HSPA4: variants seen among roughly 807,000 people sequenced by gnomAD.
HSPA4 encodes the protein heat shock protein family A (Hsp70) member 4, also known as heat shock 70 kDa protein 4.
A neutral mutation model predicts 106.2 loss-of-function variants in HSPA4; 25 were observed. The observed-to-expected ratio is 0.24, with a 90% CI of 0.17 to 0.33. The LOEUF is 0.33. HSPA4 is among the 10% of genes least tolerant of loss of function. The probability of loss-of-function intolerance (pLI) is 1.00; values close to 1 mark genes in which losing one functional copy is unlikely to be tolerated. For synonymous variants in HSPA4, 332 were observed against 333.6 expected, an observed-to-expected ratio of 1.00 and a Z score of 0.05; for missense variants, 841 against 996.0, an observed-to-expected ratio of 0.84 and a Z score of 2.10.
rs1330410405 is a variant in HSPA4, at chr5:133,106,059, C to G, written c.*1623C>G. On this transcript the variant is annotated 3_prime_UTR_variant, in exon 19 of 19. Coordinates refer to ENST00000304858, the MANE Select transcript of HSPA4 (RefSeq NM_002154.4). ...GCAGGATTAAGCCAACCCTTTACAA[C>G]TGGCCCAGACCGTAATGGCCATTTC... The G allele has an allele frequency of 7.1e-6, 1 of 141,292 alleles. No homozygotes were observed. The highest frequency in any genetic ancestry group is 2.7e-5 in the African/African-American group (1 of 37,576). 8.8% of individuals were successfully genotyped at this position (141,292 alleles called of 1,614,324 possible). A position where few individuals can be genotyped will look rare whatever the true frequency, so the allele number is the denominator to read the frequency against.
intron 7 of HSPA4, among the ~76,000 whole-genome samples, chr5:133,083,778 C>T (rs1278806010): frequency 2.6e-5 from 4 of 152,126 alleles, no homozygotes; most frequent in African/African-American, 9.7e-5. Context: ...CTCAGGTGAT[C>T]CGCCCGCCTC....
At chr5:133,072,281 C>T (rs891855550) in intron 4 of HSPA4, among the ~76,000 whole-genome samples, 1 of 152,054 alleles carries the variant, frequency 6.6e-6, no homozygotes, top group Non-Finnish European at 1.5e-5. Context: ...CTGGAGGAAA[C>T]CAGGCACAAG....
intron 7 of HSPA4, among the ~76,000 whole-genome samples, chr5:133,081,760 C>T (rs1163167994): frequency 6.6e-6 from 1 of 152,056 alleles, no homozygotes; most frequent in East Asian, 1.9e-4. Context: ...TATTTCATTA[C>T]CTAGTTTTGT....
chr5:133,105,175 T>TA lies in HSPA4; in HGVS notation c.*740dup, dbSNP rs1476171485. The TA allele has an allele frequency of 6.6e-6, 1 of 152,266 alleles. No homozygotes were observed. The highest frequency in any genetic ancestry group is 1.5e-5 in the Non-Finnish European group (1 of 68,046). 9.4% of individuals were successfully genotyped at this position (152,266 alleles called of 1,614,324 possible). A position where few individuals can be genotyped will look rare whatever the true frequency, so the allele number is the denominator to read the frequency against. On this transcript the variant is annotated 3_prime_UTR_variant, in exon 19 of 19. Transcript: ENST00000304858. ...TTTCAGAAGATTAGAATTGGGTAGA[T>TA]ATACTGTTGGATATAGCCATGGTAA... is the stretch of plus-strand genomic sequence containing the variant.
chr5:133,076,918 G>A lies in HSPA4; in HGVS notation c.908+20G>A. ...GAATAGGTAAGTATATTACTATTTC[G>A]ATGTTAAAGTGAAGAGTGAGTTTTC... On this transcript the variant is annotated intron_variant, in intron 7 of 18. Transcript: ENST00000304858. 1.3e-6 allele frequency: 2 copies of A among 1,574,762 alleles called. No individual in the cohort carries two copies. The highest frequency in any genetic ancestry group is 1.1e-5 in the South Asian group (1 of 88,956).
At chr5:133,078,548 T>C (rs1765474310) in intron 7 of HSPA4, among the ~76,000 whole-genome samples, 1 of 148,230 alleles carries the variant, frequency 6.7e-6, no homozygotes, top group Non-Finnish European at 1.5e-5. Context: ...GGCAGGAGAA[T>C]CGCTTGAACT....
At position 133,074,104 on chromosome 5, in the gene HSPA4, C is replaced by T. The variant is rs1382255629; in HGVS notation, c.641C>T (p.Ala214Val). Residue 214 changes from alanine to valine, a missense_variant, in exon 6 of 19, where the codon GCA becomes GTA. Physicochemically the swap from Ala to Val is moderately conservative, Grantham distance 64. Coordinates refer to ENST00000304858, the MANE Select transcript of HSPA4 (RefSeq NM_002154.4). ...TCTGCTTATCAAGTTTCTGTATGTG[C>T]ATTTAATAGAGGAAAACTGAAAGTA... ...GHSAYQVSVC[A>V]FNRGKLKVLA... 1 of 1,594,440 alleles carries T rather than the reference C, an allele frequency of 6.3e-7. No individual in the cohort carries two copies. Among genetic ancestry groups the T allele is most frequent in the Admixed American group, 1.8e-5 (1 of 55,584 alleles).
chr5:133,101,013 C>T (rs1054941513), intron 16 of HSPA4, among the ~76,000 whole-genome samples: 1 of 151,936 alleles, frequency 6.6e-6, no homozygotes, highest in Non-Finnish European at 1.5e-5. Context: ...CTGTGTTGCC[C>T]AGACTGGTAT....
chr5:133,090,430 C>CAAAAAAAA (rs56263518), intron 11 of HSPA4, among the ~76,000 whole-genome samples: 3 of 54,892 alleles, frequency 5.5e-5, no homozygotes, highest in African/African-American at 1.5e-4. Flanking sequence ...GACTCTGTCT[C>CAAAAAAAA]AAAAAAAAAA....
intron 16 of HSPA4, among the ~76,000 whole-genome samples, chr5:133,100,252 C>T (rs987667701): frequency 3.3e-5 from 5 of 151,616 alleles, no homozygotes; most frequent in African/African-American, 9.7e-5. Flanking sequence ...TTAGTAGAGA[C>T]AGGGTTTCTT....
chr5:133,084,781 T>G (rs976637048), intron 7 of HSPA4, among the ~76,000 whole-genome samples: 13 of 152,140 alleles, frequency 8.5e-5, no homozygotes, highest in Non-Finnish European at 1.8e-4. Flanking sequence ...ACTATTCTTT[T>G]TTATTGAGAT....
At chr5:133,085,211 C>T (rs946131009) in intron 7 of HSPA4, among the ~76,000 whole-genome samples, 3 of 151,768 alleles carry the variant, frequency 2.0e-5, no homozygotes, top group Non-Finnish European at 4.4e-5. Context: ...AGAACGTTTT[C>T]ATTACTTCTT....
intron 7 of HSPA4, among the ~76,000 whole-genome samples, chr5:133,081,193 G>T (rs536989672): frequency 1.6e-4 from 25 of 152,224 alleles, no homozygotes; most frequent in African/African-American, 5.8e-4. Flanking sequence ...AATTACAGGT[G>T]GGGGCCACCA....
chr5:133,081,931 T>C (rs974632729), intron 7 of HSPA4, among the ~76,000 whole-genome samples: 2 of 152,180 alleles, frequency 1.3e-5, no homozygotes, highest in Non-Finnish European at 2.9e-5. Flanking sequence ...TAGATACATA[T>C]TCAAGAGAAA....
At position 133,095,157 on chromosome 5, in the gene HSPA4, A is replaced by G. The variant is rs191238734; in HGVS notation, c.1651-941A>G. Among the ~76,000 whole-genome samples, 250 of 152,240 alleles carry G rather than the reference A, an allele frequency of 1.6e-3. 1 individual carries two copies. Among genetic ancestry groups the G allele is most frequent in the African/African-American group, 5.8e-3 (239 of 41,530 alleles). ...AAACCCCATCTCTACTAAAAATACA[A>G]AAATTAGCTGGGCAGGAGCCTGTAA... On this transcript the variant is annotated intron_variant, in intron 13 of 18. Coordinates refer to ENST00000304858, the MANE Select transcript of HSPA4 (RefSeq NM_002154.4).
At chr5:133,089,522 A>C (rs1294084686) in intron 10 of HSPA4, 40 bp from the exon 11 acceptor site, 3 of 1,597,200 alleles carry the variant, frequency 1.9e-6, no homozygotes, top group Non-Finnish European at 2.6e-6. Flanking sequence ...AGTGTTAGGA[A>C]TATCCTGAAT....
intron 2 of HSPA4, 63 bp downstream of exon 2, chr5:133,065,100 T>C (rs1385596113): frequency 7.4e-7 from 1 of 1,358,720 alleles, no homozygotes; most frequent in Non-Finnish European, 1.1e-6. Context: ...GTTCAGCAAG[T>C]AGTTGAATGC....
chr5:133,058,935 C>T (rs950373275), intron 1 of HSPA4, among the ~76,000 whole-genome samples: 12 of 152,036 alleles, frequency 7.9e-5, no homozygotes, highest in Non-Finnish European at 1.5e-4. Context: ...TGAGACCAGC[C>T]TGGCCAGTAT....
At position 133,104,398 on chromosome 5, in the gene HSPA4, G is replaced by A. The variant is rs1276766987; in HGVS notation, c.2485G>A (p.Asp829Asn). 3.7e-6 allele frequency: 6 copies of A among 1,614,032 alleles called. No homozygotes were observed. The Admixed American group carries it at 8.3e-5, about 22-fold the overall frequency. ...EQGTDTAVPSDSDKKLPEMDI... is the reference protein window; with the variant it reads ...EQGTDTAVPSNSDKKLPEMDI... ...GGGTACAGACACAGCTGTGCCTTCGGATTCAGACAAGAAGCTTCCTGAAAT... is the reference window on the plus strand; with the variant it reads ...GGGTACAGACACAGCTGTGCCTTCGAATTCAGACAAGAAGCTTCCTGAAAT... The change falls in exon 19 of 19, where the codon GAT (aspartate) becomes AAT (asparagine). Residue 829 changes from aspartate to asparagine, a missense_variant. Coordinates refer to ENST00000304858, the MANE Select transcript of HSPA4 (RefSeq NM_002154.4).
Sources: allele counts gnomAD v4.1 joint callset (sites outside exome capture counted in the v4.1 genomes callset), GRCh38; gene constraint gnomAD v4.1.1; transcripts MANE v1.5; gene names NCBI Gene and HGNC (gene_info 2026-07-23, HGNC 2026-07-21).